ERC2: variants seen among roughly 807,000 people sequenced by gnomAD.
The protein encoded by ERC2 is ELKS/RAB6-interacting/CAST family member 2.
ERC2 carries 42 observed loss-of-function variants against 114.8 expected under a neutral mutation model. The ratio of observed to expected loss-of-function variants is 0.37; its 90% CI spans 0.29 to 0.47. The LOEUF is 0.47. ERC2 is among the 20% of genes least tolerant of loss of function. The probability of loss-of-function intolerance (pLI) is 0.99; values close to 1 mark genes in which losing one functional copy is unlikely to be tolerated. For synonymous variants in ERC2, 454 were observed against 425.5 expected, an observed-to-expected ratio of 1.07 and a Z score of -0.82; for missense variants, 939 against 1,150.7, an observed-to-expected ratio of 0.82 and a Z score of 2.66.
intron 2 of ERC2, among the ~76,000 whole-genome samples, chr3:56,364,613 A>C (rs2059082244): frequency 6.6e-6 from 1 of 152,226 alleles, no homozygotes; most frequent in Non-Finnish European, 1.5e-5. Context: ...GGATGGCAAG[A>C]TGCAGGGGAT....
chr3:55,675,894 CTTTTCTTTCTTTTTTTTTTTTTT>C lies in ERC2; in HGVS notation c.*39+7877_*39+7899del, dbSNP rs1467078493. On this transcript the variant is annotated intron_variant, in intron 17 of 17. Coordinates refer to ENST00000288221, the MANE Select transcript of ERC2 (RefSeq NM_015576.3). ...AAAAACCCTTTCCATCTTTCTTTCT[CTTTTCTTTCTTTTTTTTTTTTTT>C]TTTTTTTTTTTTTTTTTTTTGAGAG... 3.1e-4 allele frequency among the ~76,000 whole-genome samples: 22 copies of C among 70,508 alleles called. 1 individual carries two copies. The highest frequency in any genetic ancestry group is 1.2e-3 in the South Asian group (2 of 1,692). The allele number at this position is 70,508 out of a possible 152,430, so 46.3% of individuals were successfully genotyped here. A position where few individuals can be genotyped will look rare whatever the true frequency, so the allele number is the denominator to read the frequency against.
intron 2 of ERC2, among the ~76,000 whole-genome samples, chr3:56,344,359 A>G (rs1248704940): frequency 6.6e-6 from 1 of 152,060 alleles, no homozygotes; most frequent in African/African-American, 2.4e-5. Context: ...CAATTAGCAC[A>G]CTGAGAGAAC....
chr3:56,011,104 G>A (rs2072892267), intron 8 of ERC2, among the ~76,000 whole-genome samples: 1 of 152,214 alleles, frequency 6.6e-6, no homozygotes, highest in Admixed American at 6.5e-5. Context: ...TTAGAGCTGG[G>A]ACTCATTGTG....
intron 7 of ERC2, among the ~76,000 whole-genome samples, chr3:56,077,640 T>G (rs367798180): frequency 2.0e-5 from 3 of 152,348 alleles, no homozygotes; most frequent in East Asian, 3.9e-4. Context: ...GCGCACTTAG[T>G]CTCAACTTCT....
In ERC2 at chr3:56,296,474, G is replaced by A. The variant is rs1560542046; in HGVS notation, c.658-39C>T. On this transcript the variant is annotated intron_variant, in intron 2 of 17. Transcript: ENST00000288221. ...GATGGAGCGGGAGAGGAGAAAGAAGGAAAAAAAGTCAATGAAAATGTCAAG... is the reference window on the plus strand; with the variant it reads ...GATGGAGCGGGAGAGGAGAAAGAAGAAAAAAAAGTCAATGAAAATGTCAAG... The A allele has an allele frequency of 7.7e-6, 12 of 1,552,922 alleles. No homozygotes were observed. The Admixed American group carries it at 1.0e-4, about 13-fold the overall frequency.
intron 3 of ERC2, among the ~76,000 whole-genome samples, chr3:56,232,133 G>C (rs1445377957): frequency 7.0e-6 from 1 of 142,550 alleles, no homozygotes; most frequent in Non-Finnish European, 1.5e-5. Flanking sequence ...ACCACTCCTG[G>C]CTTTTTTTTT....
At chr3:55,833,987 C>A (rs529630039) in intron 14 of ERC2, among the ~76,000 whole-genome samples, 1 of 151,002 alleles carries the variant, frequency 6.6e-6, no homozygotes, top group South Asian at 2.1e-4. Context: ...AGACTTTAAA[C>A]CAACAAAGAT....
intron 14 of ERC2, among the ~76,000 whole-genome samples, chr3:55,864,683 C>T (rs1464419511): frequency 3.3e-5 from 5 of 152,086 alleles, no homozygotes; most frequent in Non-Finnish European, 5.9e-5. Context: ...GCTGCAAATG[C>T]CTGAAAAGAT....
At chr3:55,764,783 G>C (rs2067664170) in intron 14 of ERC2, among the ~76,000 whole-genome samples, 1 of 152,146 alleles carries the variant, frequency 6.6e-6, no homozygotes, top group East Asian at 1.9e-4. Context: ...AGGAAATCTA[G>C]AGGCTAAATA....
intron 17 of ERC2, among the ~76,000 whole-genome samples, chr3:55,586,425 G>A (rs1421564065): frequency 6.6e-6 from 1 of 152,202 alleles, no homozygotes; most frequent in Non-Finnish European, 1.5e-5. Flanking sequence ...ATGACTGAAA[G>A]CATCTTACCG....
intron 3 of ERC2, among the ~76,000 whole-genome samples, chr3:56,265,827 G>A (rs949927898): frequency 6.6e-6 from 1 of 151,752 alleles, no homozygotes; most frequent in Non-Finnish European, 1.5e-5. Flanking sequence ...TCAGGAGTTC[G>A]AGACCAGCCT....
At chr3:55,731,367 T>C (rs879520909) in intron 15 of ERC2, among the ~76,000 whole-genome samples, 7 of 152,216 alleles carry the variant, frequency 4.6e-5, no homozygotes, top group Non-Finnish European at 1.0e-4. Flanking sequence ...TTAGTAGTAG[T>C]AGCAATAATA....
chr3:56,000,710 C>G (rs765996026), intron 10 of ERC2, among the ~76,000 whole-genome samples: 14 of 151,840 alleles, frequency 9.2e-5, no homozygotes, highest in Non-Finnish European at 1.6e-4. Context: ...TGGTGGAATT[C>G]CTAGGAAACT....
intron 8 of ERC2, among the ~76,000 whole-genome samples, chr3:56,015,465 C>T (rs956887126): frequency 4.7e-5 from 7 of 150,424 alleles, no homozygotes; most frequent in African/African-American, 7.3e-5. Context: ...GGCAGTGTTT[C>T]GTTTTCTGTT....
At chr3:56,423,597 G>GC (rs1430311392) in intron 2 of ERC2, among the ~76,000 whole-genome samples, 1 of 152,192 alleles carries the variant, frequency 6.6e-6, no homozygotes, top group Non-Finnish European at 1.5e-5. Flanking sequence ...AAAAGTAGCT[G>GC]CCTCAGTCTT....
At chr3:55,972,452 G>A (rs1051065057) in intron 12 of ERC2, among the ~76,000 whole-genome samples, 1 of 152,022 alleles carries the variant, frequency 6.6e-6, no homozygotes, top group African/African-American at 2.4e-5. Flanking sequence ...AACAGGCCAC[G>A]GTGTGTGATG....
intron 2 of ERC2, among the ~76,000 whole-genome samples, chr3:56,414,948 G>A (rs1268991320): frequency 6.6e-6 from 1 of 152,176 alleles, no homozygotes; most frequent in Non-Finnish European, 1.5e-5. Flanking sequence ...AGAGGAACAC[G>A]GAGAGACAAT....
intron 14 of ERC2, among the ~76,000 whole-genome samples, chr3:55,851,342 A>G (rs1575842763): frequency 6.6e-6 from 1 of 152,138 alleles, no homozygotes; most frequent in East Asian, 1.9e-4. Context: ...CACTTAAACT[A>G]CACTTCAGAT....
At chr3:55,810,146 A>T (rs997482832) in intron 14 of ERC2, among the ~76,000 whole-genome samples, 1 of 152,334 alleles carries the variant, frequency 6.6e-6, no homozygotes, top group East Asian at 1.9e-4. Context: ...ATATTCTGAC[A>T]TGTGCAAATA....
Sources: gnomAD v4.1 joint callset for allele counts (sites outside exome capture counted in the v4.1 genomes callset) on GRCh38, gnomAD v4.1.1 for gene constraint, MANE v1.5 for transcripts, NCBI Gene and HGNC (gene_info 2026-07-23, HGNC 2026-07-21) for gene names.